ANKRD55: variants seen among roughly 807,000 people sequenced by gnomAD.
ANKRD55 encodes ankyrin repeat domain 55, also known as ankyrin repeat domain-containing protein 55.
In ANKRD55, 41 loss-of-function variants were observed where a neutral mutation model predicts 60.6. That is an observed-to-expected ratio of 0.68 (90% CI 0.53 to 0.88). The LOEUF (loss-of-function observed/expected upper bound fraction) is 0.88. Ranked by LOEUF, ANKRD55 falls within the 40% of genes least tolerant of loss-of-function variation. ANKRD55 has a pLI of 0.00. For synonymous variants in ANKRD55, 264 were observed against 290.3 expected, an observed-to-expected ratio of 0.91 and a Z score of 0.92; for missense variants, 732 against 767.6, an observed-to-expected ratio of 0.95 and a Z score of 0.55.
chr5:56,208,235 G>A (rs1759561955), intron 2 of ANKRD55, among the ~76,000 whole-genome samples: 1 of 151,588 alleles, frequency 6.6e-6, no homozygotes, highest in Non-Finnish European at 1.5e-5. Flanking sequence ...TGAGAACAAT[G>A]CCTTCTTTTG....
intron 2 of ANKRD55, among the ~76,000 whole-genome samples, chr5:56,198,165 C>A (rs1037010212): frequency 4.6e-5 from 7 of 152,078 alleles, no homozygotes; most frequent in African/African-American, 1.4e-4. Context: ...AAATTTTAAA[C>A]CTACGAACTG....
chr5:56,165,211 A>C (rs1014139808), intron 5 of ANKRD55, among the ~76,000 whole-genome samples: 1 of 152,194 alleles, frequency 6.6e-6, no homozygotes, highest in Admixed American at 6.5e-5. Flanking sequence ...GAAAATGCAG[A>C]CATATGCCAG....
chr5:56,142,105 A>T (rs1757786667), intron 7 of ANKRD55, among the ~76,000 whole-genome samples: 1 of 152,124 alleles, frequency 6.6e-6, no homozygotes, highest in Non-Finnish European at 1.5e-5. Context: ...CGAGCGGGGC[A>T]GATCACGAGG....
intron 10 of ANKRD55, among the ~76,000 whole-genome samples, chr5:56,107,544 A>G (rs1460821327): frequency 6.6e-6 from 1 of 152,168 alleles, no homozygotes; most frequent in Non-Finnish European, 1.5e-5. Flanking sequence ...CAGAAATCCA[A>G]TTTTGGAGGG....
chr5:56,189,285 T>C (rs1001379262), intron 2 of ANKRD55, among the ~76,000 whole-genome samples: 7 of 141,198 alleles, frequency 5.0e-5, no homozygotes, highest in African/African-American at 1.9e-4. Context: ...CACTCCAGCC[T>C]GGGCAACAGA....
intron 2 of ANKRD55, among the ~76,000 whole-genome samples, chr5:56,187,714 C>T (rs180824705): frequency 9.2e-5 from 14 of 152,360 alleles, no homozygotes; most frequent in East Asian, 1.9e-4. Context: ...TCATCCTAAT[C>T]GAGCTGAACG....
chr5:56,136,221 C>T (rs1328214132), intron 7 of ANKRD55, among the ~76,000 whole-genome samples: 1 of 152,160 alleles, frequency 6.6e-6, no homozygotes, highest in African/African-American at 2.4e-5. Flanking sequence ...TAGTCCCTAT[C>T]GAAATACCAG....
At chr5:56,217,407 T>C (rs76982642) in intron 2 of ANKRD55, among the ~76,000 whole-genome samples, 4,998 of 152,286 alleles carry the variant, frequency 0.033, 93 homozygotes, top group Middle Eastern at 0.054. Context: ...CTGCAGCCCA[T>C]GGATCAAGGA....
At chr5:56,120,379 C>G (rs1302850291) in intron 8 of ANKRD55, among the ~76,000 whole-genome samples, 1 of 152,180 alleles carries the variant, frequency 6.6e-6, no homozygotes, top group African/African-American at 2.4e-5. Context: ...ATCCTGATCT[C>G]TATACATATT....
chr5:56,115,181 C>G (rs568714649), intron 9 of ANKRD55, among the ~76,000 whole-genome samples: 1 of 150,008 alleles, frequency 6.7e-6, no homozygotes, highest in Non-Finnish European at 1.5e-5. Context: ...GCCTGGATGA[C>G]AAGTGAGACT....
Position 56,217,849 on chromosome 5 carries a change from T to C in ANKRD55, c.58+15007A>G, listed in dbSNP as rs2111884026. ...CGGCAGAACTTGCAGTGAGCCGAGA[T>C]TGTGCCACTGCACTCCAGCCTGGGT... On this transcript the variant is annotated intron_variant, in intron 2 of 11. Transcript: ENST00000341048. Among the ~76,000 whole-genome samples, 2 of 151,910 alleles carry C rather than the reference T, an allele frequency of 1.3e-5. 1 individual carries two copies.
intron 6 of ANKRD55, among the ~76,000 whole-genome samples, chr5:56,154,021 C>T (rs1230646447): frequency 6.6e-6 from 1 of 150,862 alleles, no homozygotes; most frequent in Non-Finnish European, 1.5e-5. Flanking sequence ...ACCACCCTGG[C>T]TAACACAGTG....
At chr5:56,122,882 C>T (rs1253395019) in intron 8 of ANKRD55, among the ~76,000 whole-genome samples, 2 of 151,700 alleles carry the variant, frequency 1.3e-5, no homozygotes, top group Non-Finnish European at 2.9e-5. Flanking sequence ...CCTCACATGT[C>T]AGCCCCCTGA....
chr5:56,133,236 C>CGA (rs56887541), intron 7 of ANKRD55, among the ~76,000 whole-genome samples: 7,827 of 151,932 alleles, frequency 0.052, 682 homozygotes, highest in African/African-American at 0.18. Context: ...GTCGGGAGTT[C>CGA]GAGACCAGCC....
intron 8 of ANKRD55, among the ~76,000 whole-genome samples, chr5:56,121,436 A>G (rs561478303): frequency 3.4e-5 from 5 of 147,594 alleles, no homozygotes; most frequent in Admixed American, 6.9e-5. Flanking sequence ...GCAGTGGCAC[A>G]ATCTCGGCTC....
intron 2 of ANKRD55, among the ~76,000 whole-genome samples, chr5:56,211,478 G>A (rs1157405804): frequency 1.3e-5 from 2 of 152,186 alleles, no homozygotes; most frequent in Non-Finnish European, 2.9e-5. Flanking sequence ...GTACAGAGTA[G>A]AAACAAAGTG....
chr5:56,214,984 G>T (rs928708118), intron 2 of ANKRD55, among the ~76,000 whole-genome samples: 7 of 152,192 alleles, frequency 4.6e-5, no homozygotes, highest in Admixed American at 3.9e-4. Context: ...AGCAGACTGT[G>T]TGCTGATTTA....
At chr5:56,197,432 T>C (rs2111852030) in intron 2 of ANKRD55, among the ~76,000 whole-genome samples, 1 of 152,306 alleles carries the variant, frequency 6.6e-6, no homozygotes, top group South Asian at 2.1e-4. Flanking sequence ...GTAAATGCTA[T>C]TTTATAACAT....
chr5:56,114,814 A>C (rs1234520374), intron 9 of ANKRD55, among the ~76,000 whole-genome samples: 1 of 152,170 alleles, frequency 6.6e-6, no homozygotes, highest in Non-Finnish European at 1.5e-5. Context: ...TTATCTGAAA[A>C]GCCTATTGAG....
Sources: gnomAD v4.1 joint callset for allele counts (sites outside exome capture counted in the v4.1 genomes callset) on GRCh38, gnomAD v4.1.1 for gene constraint, MANE v1.5 for transcripts, NCBI Gene and HGNC (gene_info 2026-07-23, HGNC 2026-07-21) for gene names.